The following CARMIL1 variants were observed in gnomAD, a reference collection of about 807,000 sequenced individuals.
The protein encoded by CARMIL1 is capping protein regulator and myosin 1 linker 1.
In CARMIL1, 90 loss-of-function variants were observed where a neutral mutation model predicts 177.1. The ratio of observed to expected loss-of-function variants is 0.51; its 90% CI spans 0.43 to 0.61. The LOEUF (loss-of-function observed/expected upper bound fraction) is 0.61, where lower values mean the gene tolerates loss of function less well. Among genes scored for constraint, CARMIL1 ranks in the 20% least tolerant of loss-of-function variants. CARMIL1 has a pLI of 0.00. For synonymous variants in CARMIL1, 577 were observed against 606.2 expected (o/e 0.95, Z 0.71); for missense variants, 1,380 against 1,667.0 (o/e 0.83, Z 3.00).
At chr6:25,459,270 T>TCTTTCTTTCTTTCTTTCTTTCTTTTC (rs1177493724) in intron 8 of CARMIL1, among the ~76,000 whole-genome samples, 6 of 21,212 alleles carry the variant, frequency 2.8e-4, no homozygotes, top group East Asian at 2.2e-3. Flanking sequence ...TTCTTTCTTT[T>TCTTTCTTTCTTTCTTTCTTTCTTTTC]TTTTTTTTTT....
At chr6:25,584,020 CTTTTTCTTTTTTTTT>C (rs1371090793) in intron 31 of CARMIL1, among the ~76,000 whole-genome samples, 2 of 133,668 alleles carry the variant, frequency 1.5e-5, no homozygotes, top group Non-Finnish European at 3.2e-5. Flanking sequence ...CTTTTCTTTT[CTTTTTCTTTTTTTTT>C]TTTTTTTTTT....
Position 25,619,609 on chromosome 6 carries a change from G to C in CARMIL1, c.*26G>C, listed in dbSNP as rs748763334. On this transcript the variant is annotated 3_prime_UTR_variant, in exon 37 of 37. Coordinates refer to ENST00000329474, the MANE Select transcript of CARMIL1 (RefSeq NM_017640.6). Reference sequence around the variant, plus strand: ...AGGTCACCCACGCAGAAGTCTTCCTGTGCAGGGTGCTTTGGTAGCCATCAG... The same window carrying C: ...AGGTCACCCACGCAGAAGTCTTCCTCTGCAGGGTGCTTTGGTAGCCATCAG... 1.9e-6 allele frequency: 3 copies of C among 1,607,004 alleles called. No homozygotes were observed. Among genetic ancestry groups the C allele is most frequent in the African/African-American group, 1.3e-5 (1 of 74,656 alleles).
intron 2 of CARMIL1, among the ~76,000 whole-genome samples, chr6:25,369,040 G>A (rs1311053878): frequency 6.6e-6 from 1 of 152,228 alleles, no homozygotes; most frequent in Non-Finnish European, 1.5e-5. Context: ...TAGATCACAT[G>A]TCTATTTCTG....
intron 23 of CARMIL1, among the ~76,000 whole-genome samples, chr6:25,528,389 A>G (rs576525697): frequency 1.6e-4 from 25 of 152,236 alleles, no homozygotes; most frequent in Non-Finnish European, 3.2e-4. Context: ...AGAGATTTAG[A>G]GAGCACCACC....
intron 29 of CARMIL1, among the ~76,000 whole-genome samples, chr6:25,571,477 A>G (rs1400857598): frequency 6.6e-6 from 1 of 152,250 alleles, no homozygotes; most frequent in East Asian, 1.9e-4. Context: ...AGTTCTGATC[A>G]TATCCATTAA....
chr6:25,441,357 G>GTGTGTGTGTCTA (rs1797766454), intron 5 of CARMIL1, among the ~76,000 whole-genome samples: 1 of 143,906 alleles, frequency 6.9e-6, no homozygotes, highest in African/African-American at 2.6e-5. Context: ...GTGTGTGTGT[G>GTGTGTGTGTCTA]TGTGTGTGTG....
intron 36 of CARMIL1, 26 bp downstream of exon 36, chr6:25,610,207 TC>T: frequency 1.9e-6 from 3 of 1,603,360 alleles, no homozygotes; most frequent in Non-Finnish European, 2.6e-6. Flanking sequence ...ATTTCTTTTC[TC>T]TGGGTTAGCT....
At chr6:25,401,990 G>GT (rs761702635) in intron 2 of CARMIL1, among the ~76,000 whole-genome samples, 2,694 of 138,740 alleles carry the variant, frequency 0.019, 56 homozygotes, top group African/African-American at 0.052. Context: ...TTTGCGTGTA[G>GT]TTTTTTTTTT....
chr6:25,550,351 ATAAT>A (rs1359322306), intron 26 of CARMIL1, among the ~76,000 whole-genome samples: 13 of 152,204 alleles, frequency 8.5e-5, no homozygotes, highest in Non-Finnish European at 2.9e-5. Context: ...TGCTGTCATA[ATAAT>A]TAATATCTTA....
rs150038469 is a variant in CARMIL1, at chr6:25,293,667, G to A, written c.138+8758G>A. ...GTAGTGGGGTTACATATGCGAGCTGGTCTTCCCTTCCCTTCCTCTCCTTTC... is the reference window on the plus strand; with the variant it reads ...GTAGTGGGGTTACATATGCGAGCTGATCTTCCCTTCCCTTCCTCTCCTTTC... On this transcript the variant is annotated intron_variant, in intron 2 of 36. Coordinates refer to ENST00000329474, the MANE Select transcript of CARMIL1 (RefSeq NM_017640.6). Among the ~76,000 whole-genome samples, 513 of 151,802 alleles carry A rather than the reference G, an allele frequency of 3.4e-3. 4 individuals carry two copies. Among genetic ancestry groups the A allele is most frequent in the African/African-American group, 0.011 (470 of 41,396 alleles).
At chr6:25,466,241 T>TAC (rs1800586644) in intron 9 of CARMIL1, among the ~76,000 whole-genome samples, 1 of 152,208 alleles carries the variant, frequency 6.6e-6, no homozygotes, top group African/African-American at 2.4e-5. Flanking sequence ...CAAAAACTGT[T>TAC]AAAGTTACAT....
At chr6:25,475,400 C>CAA (rs759669150) in intron 11 of CARMIL1, among the ~76,000 whole-genome samples, 7 of 88,010 alleles carry the variant, frequency 8.0e-5, no homozygotes, top group Middle Eastern at 7.9e-3. Flanking sequence ...GACTCCGTCT[C>CAA]AAAAAAAAAA....
chr6:25,483,726 C>T (rs1042746920), intron 12 of CARMIL1, among the ~76,000 whole-genome samples: 4 of 149,454 alleles, frequency 2.7e-5, no homozygotes, highest in East Asian at 2.0e-4. Context: ...AAAAAAAATC[C>T]GAGGTGGATT....
chr6:25,406,528 A>C (rs780975564), intron 2 of CARMIL1, among the ~76,000 whole-genome samples: 6 of 152,204 alleles, frequency 3.9e-5, no homozygotes, highest in Admixed American at 2.0e-4. Context: ...TTAGAAGGCT[A>C]TTGCAAGTGG....
intron 2 of CARMIL1, among the ~76,000 whole-genome samples, chr6:25,386,367 C>G (rs1052626539): frequency 6.6e-6 from 1 of 152,136 alleles, no homozygotes; most frequent in Non-Finnish European, 1.5e-5. Flanking sequence ...ATCCTCCTGC[C>G]TCAGCCTTCC....
intron 2 of CARMIL1, among the ~76,000 whole-genome samples, chr6:25,311,114 G>A (rs1214687693): frequency 6.6e-6 from 1 of 152,198 alleles, no homozygotes; most frequent in South Asian, 2.1e-4. Flanking sequence ...CCCAGGAGGC[G>A]GAGGTTGCAG....
chr6:25,393,710 AT>A (rs531830183), intron 2 of CARMIL1, among the ~76,000 whole-genome samples: 3,907 of 143,548 alleles, frequency 0.027, 138 homozygotes, highest in African/African-American at 0.086. Flanking sequence ...CTGCTCTACA[AT>A]TTTTTTTTTT....
chr6:25,472,237 C>T (rs1053366203), intron 10 of CARMIL1, among the ~76,000 whole-genome samples, 190 bp from the exon 11 acceptor site: 1 of 151,810 alleles, frequency 6.6e-6, no homozygotes, highest in African/African-American at 2.4e-5. Context: ...TCAGAATGAA[C>T]CGTTTTCTGG....
intron 36 of CARMIL1, among the ~76,000 whole-genome samples, chr6:25,617,270 C>T (rs145579644): frequency 6.6e-6 from 1 of 152,262 alleles, no homozygotes; most frequent in Non-Finnish European, 1.5e-5. Context: ...GTTGTAATGA[C>T]CCTGGTCTAT....
Sources: gnomAD v4.1 joint callset for allele counts (sites outside exome capture counted in the v4.1 genomes callset) on GRCh38, gnomAD v4.1.1 for gene constraint, MANE v1.5 for transcripts, NCBI Gene and HGNC (gene_info 2026-07-23, HGNC 2026-07-21) for gene names.